RASSF8: variants seen among roughly 807,000 people sequenced by gnomAD.
RASSF8 encodes the protein Ras association domain family member 8, also known as ras association domain-containing protein 8.
A neutral mutation model predicts 48.5 loss-of-function variants in RASSF8; 22 were observed. That is an observed-to-expected ratio of 0.45 (90% CI 0.32 to 0.65). The LOEUF (loss-of-function observed/expected upper bound fraction) is 0.65. Among genes scored for constraint, RASSF8 ranks in the 30% least tolerant of loss-of-function variants. RASSF8 has a pLI of 0.03. For missense variants in RASSF8, 418 were observed against 489.2 expected, an observed-to-expected ratio of 0.85 and a Z score of 1.37; for synonymous variants, 127 against 171.5, an observed-to-expected ratio of 0.74 and a Z score of 2.03.
At position 26,031,481 on chromosome 12, in the gene RASSF8, A is replaced by G. The variant is rs80055424; in HGVS notation, c.-108-23755A>G. 5.8e-3 allele frequency among the ~76,000 whole-genome samples: 889 copies of G among 152,308 alleles called. 8 individuals are homozygous for G. Among genetic ancestry groups the G allele is most frequent in the African/African-American group, 0.02 (847 of 41,572 alleles). On this transcript the variant is annotated intron_variant, in intron 2 of 5. Coordinates refer to ENST00000689635, the MANE Select transcript of RASSF8 (RefSeq NM_001394098.1). The stretch of plus-strand genomic sequence containing the variant: ...TTTGTTAAGCTTCTGCCACAGGCCC[A>G]GTAGAGTTACTAACAGGATTTGAGC...
chr12:26,072,745 A>C lies in RASSF8; in HGVS notation c.*3927A>C, dbSNP rs189042072. On this transcript the variant is annotated 3_prime_UTR_variant, in exon 6 of 6. Transcript: ENST00000689635. Reference sequence around the variant, plus strand: ...CAAATAAATCTGTAATATGTATTATATGTAATTATCCTTTTCTTTGACTTT... The same window carrying C: ...CAAATAAATCTGTAATATGTATTATCTGTAATTATCCTTTTCTTTGACTTT... The C allele has an allele frequency of 3.2e-4, 304 of 948,954 alleles. No individual in the cohort carries two copies. The African/African-American group carries it at 5.1e-3, about 16-fold the overall frequency. The allele number at this position is 948,954 out of a possible 1,614,324, so 58.8% of individuals were successfully genotyped here.
At chr12:26,040,350 A>C (rs146113781) in intron 2 of RASSF8, among the ~76,000 whole-genome samples, 2 of 152,340 alleles carry the variant, frequency 1.3e-5, no homozygotes, top group Non-Finnish European at 2.9e-5. Flanking sequence ...AAAGACTTCC[A>C]AAGTGGGCTA....
chr12:25,975,863 C>T (rs1185714155), intron 1 of RASSF8, among the ~76,000 whole-genome samples: 4 of 152,036 alleles, frequency 2.6e-5, no homozygotes, highest in African/African-American at 9.7e-5. Flanking sequence ...CCACCACAGC[C>T]AGAAAACTGT....
chr12:25,992,341 G>T (rs1942033581), intron 1 of RASSF8, among the ~76,000 whole-genome samples: 1 of 152,196 alleles, frequency 6.6e-6, no homozygotes, highest in Admixed American at 6.5e-5. Flanking sequence ...TTCAGTTCTT[G>T]CCTCTCCTGT....
chr12:25,964,218 C>T (rs988463106), intron 1 of RASSF8, among the ~76,000 whole-genome samples: 1 of 151,876 alleles, frequency 6.6e-6, no homozygotes, highest in Non-Finnish European at 1.5e-5. Context: ...AGCTTTTTAA[C>T]ACCAATAATA....
At chr12:25,988,028 T>G (rs1446223636) in intron 1 of RASSF8, among the ~76,000 whole-genome samples, 1 of 151,224 alleles carries the variant, frequency 6.6e-6, no homozygotes, top group Non-Finnish European at 1.5e-5. Context: ...ATTTTTTTTT[T>G]TTTTTTGTAC....
chr12:26,039,765 A>T (rs1254274543), intron 2 of RASSF8, among the ~76,000 whole-genome samples: 2 of 152,166 alleles, frequency 1.3e-5, no homozygotes, highest in Non-Finnish European at 2.9e-5. Context: ...GTGACCTGGG[A>T]GTTGAGGCGA....
chr12:26,022,459 T>C (rs1942807873), intron 2 of RASSF8, among the ~76,000 whole-genome samples: 1 of 152,044 alleles, frequency 6.6e-6, no homozygotes. Flanking sequence ...ATCTGACACA[T>C]GCAAAGAAAC....
At chr12:26,015,113 G>A (rs1294560193) in intron 2 of RASSF8, among the ~76,000 whole-genome samples, 2 of 151,840 alleles carry the variant, frequency 1.3e-5, no homozygotes, top group African/African-American at 4.8e-5. Context: ...GGAAGCAGAG[G>A]TGGGAGGATC....
At chr12:26,049,402 A>G (rs1193880458) in intron 2 of RASSF8, among the ~76,000 whole-genome samples, 2 of 152,220 alleles carry the variant, frequency 1.3e-5, no homozygotes, top group Non-Finnish European at 2.9e-5. Flanking sequence ...TTGAATTACA[A>G]TTACTACATA....
At chr12:25,996,311 T>C (rs1942132124) in intron 2 of RASSF8, among the ~76,000 whole-genome samples, 1 of 152,238 alleles carries the variant, frequency 6.6e-6, no homozygotes. Flanking sequence ...GTAGTACAAT[T>C]GACTAAAGTT....
chr12:26,002,111 A>G (rs1942272953), intron 2 of RASSF8, among the ~76,000 whole-genome samples: 1 of 152,244 alleles, frequency 6.6e-6, no homozygotes, highest in Non-Finnish European at 1.5e-5. Context: ...GCATGACTGT[A>G]TGACATAGTA....
At chr12:26,076,700 T>C (rs1036727676), downstream of RASSF8, among the ~76,000 whole-genome samples, 7 of 152,240 alleles carry the variant, frequency 4.6e-5, no homozygotes, top group Non-Finnish European at 7.3e-5. Context: ...GTCTTTGCTA[T>C]TGTGAATAGT....
In RASSF8 at chr12:26,064,498, G is replaced by A. The variant is rs776858157; in HGVS notation, c.104G>A (p.Gly35Asp). The A allele has an allele frequency of 3.3e-6, 5 of 1,531,992 alleles. No individual in the cohort carries two copies. The South Asian group carries it at 5.3e-5, about 16-fold the overall frequency. 94.9% of individuals were successfully genotyped at this position (1,531,992 alleles called of 1,614,324 possible). A position where few individuals can be genotyped will look rare whatever the true frequency, so the allele number is the denominator to read the frequency against. Residue 35 changes from glycine (G) to aspartate (D), a missense_variant and splice_region_variant, in exon 4 of 6, where the codon GGT (glycine) becomes GAT (aspartate). Gly to Asp is a moderately conservative substitution (Grantham distance 94, BLOSUM62 -1). Transcript: ENST00000689635. ...AGTTATTCTTACCTTTTTTACATAG[G>A]TCGAACTGGAAGGTACACCCTTATA... ...EVVIALAQAI[G>D]RTGRYTLIEK...
intron 2 of RASSF8, among the ~76,000 whole-genome samples, chr12:26,042,654 A>C (rs1943290274): frequency 6.6e-6 from 1 of 151,964 alleles, no homozygotes; most frequent in Admixed American, 6.6e-5. Context: ...TTTTCTTTGC[A>C]ATTTTCTGCC....
chr12:25,968,132 C>A (rs114399701), intron 1 of RASSF8, among the ~76,000 whole-genome samples: 1 of 152,204 alleles, frequency 6.6e-6, no homozygotes, highest in African/African-American at 2.4e-5. Flanking sequence ...TCTACTACTT[C>A]ACCTGCCAAC....
chr12:25,958,581 G>C (rs1258585231), upstream of RASSF8: 6 of 147,330 alleles, frequency 4.1e-5, no homozygotes, highest in African/African-American at 1.5e-4. Context: ...CCCCCGCGCC[G>C]CTCCTCTCGC....
chr12:26,028,158 A>G (rs1170299494), intron 2 of RASSF8, among the ~76,000 whole-genome samples: 1 of 151,704 alleles, frequency 6.6e-6, no homozygotes, highest in Non-Finnish European at 1.5e-5. Context: ...TATAAATTTA[A>G]TTTGTGTGTT....
chr12:26,017,256 T>A (rs1488728104), intron 2 of RASSF8, among the ~76,000 whole-genome samples: 2 of 152,182 alleles, frequency 1.3e-5, no homozygotes, highest in Non-Finnish European at 2.9e-5. Flanking sequence ...TTTGCTGGAA[T>A]TGGATATCAA....
Sources: gnomAD v4.1 joint callset for allele counts (sites outside exome capture counted in the v4.1 genomes callset) on GRCh38, gnomAD v4.1.1 for gene constraint, MANE v1.5 for transcripts, NCBI Gene and HGNC (gene_info 2026-07-23, HGNC 2026-07-21) for gene names.